Variants in AGAP2 observed in about 807,000 individuals in gnomAD.
The protein encoded by AGAP2 is ArfGAP with GTPase domain, ankyrin repeat and PH domain 2, also known as arf-GAP with GTPase, ANK repeat and PH domain-containing protein 2.
A neutral mutation model predicts 110.9 loss-of-function variants in AGAP2; 32 were observed. That is an observed-to-expected ratio of 0.29 (90% confidence interval 0.22 to 0.39). The LOEUF is 0.39. AGAP2 is among the 10% of genes least tolerant of loss of function. The pLI, the probability that AGAP2 is intolerant of heterozygous loss-of-function variation, is 1.00. For missense variants in AGAP2, 1,285 were observed against 1,638.5 expected, an observed-to-expected ratio of 0.78 and a Z score of 3.72; for synonymous variants, 702 against 713.0, an observed-to-expected ratio of 0.98 and a Z score of 0.25.
intron 5 of AGAP2, 75 bp from the exon 6 acceptor site, chr12:57,733,054 T>C (rs1034952249): frequency 1.0e-5 from 16 of 1,585,670 alleles, no homozygotes; most frequent in Admixed American, 6.8e-5. Context: ...CCCTTATCCT[T>C]GCACTGGGCC....
chr12:57,733,939 T>C, intron 5 of AGAP2, 87 bp downstream of exon 5: 1 of 1,465,086 alleles, frequency 6.8e-7, no homozygotes, highest in Non-Finnish European at 9.1e-7. Flanking sequence ...TTCCACACCT[T>C]ACCAAGTTCT....
chr12:57,734,708 G>A (rs1405641312), intron 2 of AGAP2, 29 bp from the exon 3 acceptor site: 1 of 1,609,632 alleles, frequency 6.2e-7, no homozygotes, highest in Non-Finnish European at 8.5e-7. Flanking sequence ...AGCAGAAATT[G>A]TGGGATATAA....
chr12:57,730,788 C>T lies in AGAP2; in HGVS notation c.2308+3G>A. The T allele has an allele frequency of 6.2e-7, 1 of 1,613,822 alleles. No individual in the cohort carries two copies. The highest frequency in any genetic ancestry group is 8.5e-7 in the Non-Finnish European group (1 of 1,180,020). On this transcript the variant is annotated splice_donor_region_variant and intron_variant, in intron 11 of 18. Transcript: ENST00000547588. ...CTGCTCCTATGTCATAAACCTTACT[C>T]ACCCAGGCCTTCACCCATCTGGACA...
chr12:57,731,510 C>T (rs758242282), intron 9 of AGAP2, 40 bp from the exon 10 acceptor site: 2 of 1,613,856 alleles, frequency 1.2e-6, no homozygotes, highest in Non-Finnish European at 1.7e-6. Context: ...AAAAAGCCAA[C>T]TAAGACCAGC....
chr12:57,731,714 TGAA>T, intron 8 of AGAP2, 72 bp from the exon 9 acceptor site: 2 of 1,603,586 alleles, frequency 1.2e-6, no homozygotes, highest in Non-Finnish European at 1.7e-6. Context: ...GGAAGATAGA[TGAA>T]GAAGGGCCCA....
upstream of AGAP2, among the ~76,000 whole-genome samples, chr12:57,738,920 G>A (rs971442756): frequency 1.3e-5 from 2 of 152,004 alleles, no homozygotes; most frequent in Non-Finnish European, 2.9e-5. The surrounding 1 kb of genome is among the most constrained non-coding windows in gnomAD (Gnocchi z 6.7). Context: ...GCCTGGGCTC[G>A]GCTTGGTCCG....
upstream of AGAP2, chr12:57,740,010 G>A (rs1006931961): frequency 4.6e-5 from 7 of 152,352 alleles, no homozygotes; most frequent in Admixed American, 3.9e-4. Context: ...TGGAAAAGAG[G>A]TTGAGACCCC....
intron 1 of AGAP2, among the ~76,000 whole-genome samples, chr12:57,736,862 T>C (rs920163357): frequency 3.9e-5 from 6 of 152,212 alleles, no homozygotes; most frequent in African/African-American, 1.4e-4. Flanking sequence ...GCTGAGTCCC[T>C]CTGAAATCAA....
rs778571691 is a variant in AGAP2 at position 57,727,373 on chromosome 12, G to T, written c.3067C>A (p.Arg1023=). ...SDTRGRAKPS[R]DSSREERESW... ...CCTCACGCTTACCGCGAAGAGTCCC[G>T]CGAGGGCTTGGCACGGCCTCGCGTG... Residue 1023 remains arginine (R), a synonymous_variant, in exon 17 of 19, where the codon CGG becomes AGG. Coordinates refer to ENST00000547588, the MANE Select transcript of AGAP2 (RefSeq NM_001122772.3). 1 of 1,610,852 alleles carries T rather than the reference G, an allele frequency of 6.2e-7. No individual in the cohort carries two copies. The highest frequency in any genetic ancestry group is 1.7e-5 in the Admixed American group (1 of 59,442).
rs751050125 is a variant in AGAP2 at position 57,737,342 on chromosome 12, G to T, written c.905C>A (p.Ala302Asp). 5 of 1,613,758 alleles carry T rather than the reference G, an allele frequency of 3.1e-6. No homozygotes were observed. Among genetic ancestry groups the T allele is most frequent in the Non-Finnish European group, 4.2e-6 (5 of 1,179,852 alleles). Residue 302 changes from alanine to aspartate, a missense_variant, in exon 1 of 19, where the codon GCC becomes GAC. Around this residue, in one of 7 missense-constraint regions of AGAP2, gnomAD observed 844 missense variants for 941.2 expected, o/e 0.90. Coordinates refer to ENST00000547588, the MANE Select transcript of AGAP2 (RefSeq NM_001122772.3). The surrounding 1 kb of genome is among the most constrained non-coding windows in gnomAD (Gnocchi z 5.9). Reference sequence around the variant, plus strand: ...CGCGGAAGCAGCGGTGACAGCAGTGGCTGGACTCGGAGTTGGTGGGAGGGT... The same window carrying T: ...CGCGGAAGCAGCGGTGACAGCAGTGTCTGGACTCGGAGTTGGTGGGAGGGT... The part of the protein sequence containing the change: ...PLTLPPTPSP[A>D]TAVTAASAQP...
At chr12:57,724,281 C>G (rs888841399), downstream of AGAP2, 1 of 152,238 alleles carries the variant, frequency 6.6e-6, no homozygotes, top group East Asian at 1.9e-4. Context: ...CAATTCTACC[C>G]AAAGATGCTG....
In AGAP2 at chr12:57,727,190, C is replaced by G; in HGVS notation, c.3120G>C (p.Gln1040His). ...RESWIRAKYE[Q>H]LLFLAPLSTS... ...TGCTCAGCGGCGCCAGGAACAGTAG[C>G]TGCTCGTACTTGGCGCGAATCCACG... The change falls in exon 18 of 19, where the codon CAG becomes CAC. Residue 1040 changes from glutamine (Q) to histidine (H), a missense_variant. By Grantham distance (24) the Gln-to-His change is conservative. This residue lies in a region of AGAP2 where 201 missense variants were observed against 276.1 expected (regional missense o/e 0.73). Transcript: ENST00000547588. 1.2e-6 allele frequency: 2 copies of G among 1,611,266 alleles called. No homozygotes were observed. The highest frequency in any genetic ancestry group is 1.1e-5 in the South Asian group (1 of 90,720).
chr12:57,738,442 C>G lies in AGAP2; in HGVS notation c.-196G>C, dbSNP rs1417483335. 4.7e-6 allele frequency: 2 copies of G among 424,248 alleles called. No individual in the cohort carries two copies. Among genetic ancestry groups the G allele is most frequent in the Non-Finnish European group, 6.3e-6 (2 of 316,736 alleles). 26.3% of individuals were successfully genotyped at this position (424,248 alleles called of 1,614,324 possible). A position where few individuals can be genotyped will look rare whatever the true frequency, so the allele number is the denominator to read the frequency against. ...TCCCATCACATGGGGCGCCCCCTCC[C>G]CATGCTCCCCGCCCTGCGCCCCCAC... is the stretch of plus-strand genomic sequence containing the variant. On this transcript the variant is annotated 5_prime_UTR_variant, in exon 1 of 19. Coordinates refer to ENST00000547588, the MANE Select transcript of AGAP2 (RefSeq NM_001122772.3). This position sits in a 1 kb window ranked among gnomAD's most constrained non-coding sequence, Gnocchi z 6.7.
Position 57,737,040 on chromosome 12 carries a change from A to T in AGAP2, c.1168+39T>A, listed in dbSNP as rs1565797354. The T allele has an allele frequency of 6.8e-7, 1 of 1,464,218 alleles. No homozygotes were observed. Among genetic ancestry groups the T allele is most frequent in the Non-Finnish European group, 9.0e-7 (1 of 1,106,928 alleles). 90.7% of individuals were successfully genotyped at this position (1,464,218 alleles called of 1,614,324 possible). A position where few individuals can be genotyped will look rare whatever the true frequency, so the allele number is the denominator to read the frequency against. On this transcript the variant is annotated intron_variant, in intron 1 of 18. Coordinates refer to ENST00000547588, the MANE Select transcript of AGAP2 (RefSeq NM_001122772.3). This position sits in a 1 kb window ranked among gnomAD's most constrained non-coding sequence, Gnocchi z 5.9. ...CCACCCCAAGCTGAGCATTCCAGGT[A>T]CCCTTCCCTCCCTGTTCTCAAGCCC...
chr12:57,741,328 G>C (rs913795531), upstream of AGAP2, among the ~76,000 whole-genome samples: 2 of 152,176 alleles, frequency 1.3e-5, no homozygotes, highest in Admixed American at 1.3e-4. Flanking sequence ...GCAAGGGGAG[G>C]AGAGGGGACC....
Position 57,726,684 on chromosome 12 carries a change from C to G in AGAP2, c.3447G>C (p.Pro1149=), listed in dbSNP as rs1410304660. 5 of 1,227,358 alleles carry G rather than the reference C, an allele frequency of 4.1e-6. No individual in the cohort carries two copies. The highest frequency in any genetic ancestry group is 5.1e-6 in the Non-Finnish European group (5 of 983,830). 76.0% of individuals were successfully genotyped at this position (1,227,358 alleles called of 1,614,324 possible). ...TGGTGGCCGCGCTGCCGCCCTCACC[C>G]GGGCAGCCGTGCTGGAGAAGGATGT... The part of the protein sequence containing the change: ...CADILLQHGC[P]GEGGSAATTP... The change falls in exon 19 of 19, where the codon CCG becomes CCC. Residue 1149 remains proline (P), a synonymous_variant. Coordinates refer to ENST00000547588, the MANE Select transcript of AGAP2 (RefSeq NM_001122772.3). The surrounding 1 kb of genome is among the most constrained non-coding windows in gnomAD (Gnocchi z 5.7).
In AGAP2 at chr12:57,726,504, G is replaced by T; in HGVS notation, c.*48C>A. ...TCTGTCCAGCGGTCCGCCCGGTGTG[G>T]TCGTGCCCGGCCCGCGTGGGGATGG... On this transcript the variant is annotated 3_prime_UTR_variant, in exon 19 of 19. Transcript: ENST00000547588. The surrounding 1 kb of genome is among the most constrained non-coding windows in gnomAD (Gnocchi z 5.7). 1 of 1,187,334 alleles carries T rather than the reference G, an allele frequency of 8.4e-7. No homozygotes were observed. The highest frequency in any genetic ancestry group is 1.0e-6 in the Non-Finnish European group (1 of 958,080). 73.5% of individuals were successfully genotyped at this position (1,187,334 alleles called of 1,614,324 possible).
In AGAP2 at chr12:57,732,518, G is replaced by A. The variant is rs1326178725; in HGVS notation, c.1685-6C>T. 2 of 1,576,504 alleles carry A rather than the reference G, an allele frequency of 1.3e-6. No homozygotes were observed. The highest frequency in any genetic ancestry group is 1.7e-6 in the Non-Finnish European group (2 of 1,159,898). On this transcript the variant is annotated splice_polypyrimidine_tract_variant and splice_region_variant and intron_variant, in intron 6 of 18. Transcript: ENST00000547588. ...GGTCACCACCTTCTGGGCCACTGAGGGGAGTTGACGGAAGGAGGTGTGAGC... is the reference window on the plus strand; with the variant it reads ...GGTCACCACCTTCTGGGCCACTGAGAGGAGTTGACGGAAGGAGGTGTGAGC...
At position 57,728,372 on chromosome 12, in the gene AGAP2, G is replaced by C; in HGVS notation, c.2563C>G (p.Arg855Gly). 6.2e-7 allele frequency: 1 copy of C among 1,613,930 alleles called. No individual in the cohort carries two copies. Among genetic ancestry groups the C allele is most frequent in the Non-Finnish European group, 8.5e-7 (1 of 1,179,866 alleles). The change falls in exon 14 of 19, where the codon CGC (arginine) becomes GGC (glycine). Residue 855 changes from arginine to glycine, a missense_variant. By Grantham distance (125) the Arg-to-Gly change is moderately radical. Coordinates refer to ENST00000547588, the MANE Select transcript of AGAP2 (RefSeq NM_001122772.3). ...AAGGATTTTAGTTTCCACATTTTGC[G>C]CTTGGCTGGTTTCCCGAAGCGAAGG... ...EGSAGQAEAK[R>G]KMWKLKSFGS...
Sources: allele counts gnomAD v4.1 joint callset (sites outside exome capture counted in the v4.1 genomes callset), GRCh38; gene constraint gnomAD v4.1.1; regional missense constraint gnomAD v4.1.1; non-coding constraint Gnocchi (gnomAD v3.1); transcripts MANE v1.5; gene names NCBI Gene and HGNC (gene_info 2026-07-23, HGNC 2026-07-21).